The following CYP2E1 variants were observed in gnomAD, a reference collection of about 807,000 sequenced individuals.
CYP2E1 encodes the protein cytochrome P450 family 2 subfamily E member 1.
A neutral mutation model predicts 42.9 loss-of-function variants in CYP2E1; 31 were observed. That is an observed-to-expected ratio of 0.72 (90% CI 0.54 to 0.98). The LOEUF is 0.98. Among genes scored for constraint, CYP2E1 ranks in the 50% least tolerant of loss-of-function variants. The probability of loss-of-function intolerance (pLI) is 0.00; values close to 1 mark genes in which losing one functional copy is unlikely to be tolerated. For synonymous variants in CYP2E1, 244 were observed against 248.9 expected (o/e 0.98, Z 0.19); for missense variants, 565 against 633.2 (o/e 0.89, Z 1.16).
chr10:133,532,095 T>A, intron 3 of CYP2E1, 29 bp from the exon 4 acceptor site: 1 of 1,605,010 alleles, frequency 6.2e-7, no homozygotes, highest in South Asian at 1.1e-5. Context: ...ACCCCCATCT[T>A]CTGGTTGCCC....
At chr10:133,527,814 GGAGGCCGGC>G (rs1283557902) in intron 1 of CYP2E1, among the ~76,000 whole-genome samples, 1 of 152,198 alleles carries the variant, frequency 6.6e-6, no homozygotes, top group Non-Finnish European at 1.5e-5. Flanking sequence ...CTGATGATGG[GGAGGCCGGC>G]GAGGCCGGGC....
intron 5 of CYP2E1, 114 bp from the exon 6 acceptor site, chr10:133,533,642 G>A: frequency 5.8e-6 from 7 of 1,208,620 alleles, no homozygotes; most frequent in Non-Finnish European, 8.2e-6. Flanking sequence ...AGTTCCACTG[G>A]GAGAGCCTCT....
chr10:133,537,680 A>G, intron 7 of CYP2E1, 71 bp from the exon 8 acceptor site: 1 of 1,314,220 alleles, frequency 7.6e-7, no homozygotes. Flanking sequence ...TACATTCTTC[A>G]CTGGGGGTTT....
chr10:133,533,761 G>T lies in CYP2E1; in HGVS notation c.831G>T (p.Lys277Asn), dbSNP rs1326260648. 1.2e-6 allele frequency: 2 copies of T among 1,613,942 alleles called. No individual in the cohort carries two copies. The highest frequency in any genetic ancestry group is 1.3e-5 in the African/African-American group (1 of 74,928). The change falls in exon 6 of 9, where the codon AAG (lysine) becomes AAT (asparagine). Residue 277 changes from lysine (K) to asparagine (N), a missense_variant. Transcript: ENST00000252945. ...DCLLVEMEKE[K>N]HSAERLYTMD... ...GTCTGTCTCCGGTATCACAGGAAAA[G>T]CACAGTGCAGAGCGCTTGTACACAA...
In CYP2E1 at chr10:133,527,554, T is replaced by C. The variant is rs1564846644; in HGVS notation, c.159T>C (p.Ile53=). 2 of 1,611,830 alleles carry C rather than the reference T, an allele frequency of 1.2e-6. No homozygotes were observed. Among genetic ancestry groups the C allele is most frequent in the Non-Finnish European group, 1.7e-6 (2 of 1,178,828 alleles). ...TCTTCCAGTTGGAATTGAAGAATAT[T>C]CCCAAGTCCTTCACCCGGGTAAGAG... The part of the protein sequence containing the change: ...GNLFQLELKN[I]PKSFTRLAQR... Residue 53 remains isoleucine, a synonymous_variant, in exon 1 of 9, where the codon ATT becomes ATC. Transcript: ENST00000252945.
intron 8 of CYP2E1, 135 bp downstream of exon 8, chr10:133,538,027 C>A: frequency 1.3e-6 from 1 of 768,806 alleles, no homozygotes; most frequent in African/African-American, 1.7e-5. Flanking sequence ...TTTCTATTGA[C>A]AACATGACCC....
Position 133,527,421 on chromosome 10 carries a change from CCCTGCTGGTGTGGGCGGCCTTCCT to C in CYP2E1, c.38_61del (p.Trp13_Val20del). ...ATGTCTGCCCTCGGAGTCACCGTGG[CCCTGCTGGTGTGGGCGGCCTTCCT>C]CCTGCTGGTGTCCATGTGGAGGCAG... is the stretch of plus-strand genomic sequence containing the variant. On this transcript the variant is annotated inframe_deletion, in exon 1 of 9. Coordinates refer to ENST00000252945, the MANE Select transcript of CYP2E1 (RefSeq NM_000773.4). 2 of 1,612,228 alleles carry C rather than the reference CCCTGCTGGTGTGGGCGGCCTTCCT, an allele frequency of 1.2e-6. No individual in the cohort carries two copies. Among genetic ancestry groups the C allele is most frequent in the Middle Eastern group, 1.7e-4 (1 of 5,756 alleles).
intron 6 of CYP2E1, 102 bp downstream of exon 6, chr10:133,533,999 T>C (rs1203561693): frequency 5.8e-5 from 75 of 1,292,692 alleles, no homozygotes; most frequent in Non-Finnish European, 8.0e-5. Context: ...AGCTGCTTGT[T>C]AACCCTCATG....
intron 6 of CYP2E1, among the ~76,000 whole-genome samples, chr10:133,535,656 A>G (rs1368403041): frequency 2.0e-5 from 3 of 152,230 alleles, no homozygotes; most frequent in Non-Finnish European, 4.4e-5. Context: ...CAAAAGGAAA[A>G]TAAATATGAT....
Position 133,528,490 on chromosome 10 carries a change from C to T in CYP2E1, c.187C>T (p.Arg63Cys), listed in dbSNP as rs374426412. The part of the protein sequence containing the change: ...IPKSFTRLAQ[R>C]FGPVFTLYVG... ...CCACGGGTCTCCGCAGTTGGCCCAGCGCTTCGGGCCGGTGTTCACGCTGTA... is the reference window on the plus strand; with the variant it reads ...CCACGGGTCTCCGCAGTTGGCCCAGTGCTTCGGGCCGGTGTTCACGCTGTA... Residue 63 changes from arginine (R) to cysteine (C), a missense_variant, in exon 2 of 9, where the codon CGC becomes TGC. By Grantham distance (180) the Arg-to-Cys change is radical. Transcript: ENST00000252945. The T allele has an allele frequency of 2.4e-5, 39 of 1,613,000 alleles. No homozygotes were observed. The highest frequency in any genetic ancestry group is 3.0e-5 in the Non-Finnish European group (35 of 1,179,874).
Position 133,538,448 on chromosome 10 carries a change from T to C in CYP2E1, c.1298-332T>C, listed in dbSNP as rs117799445. 2.3e-3 allele frequency among the ~76,000 whole-genome samples: 349 copies of C among 152,320 alleles called. 3 individuals carry two copies. The highest frequency in any genetic ancestry group is 3.8e-3 in the Non-Finnish European group (256 of 68,032). On this transcript the variant is annotated intron_variant, in intron 8 of 8. Transcript: ENST00000252945. ...GGAGCCCCAGCTTCTAACAGGGCAC[T>C]ATTTCCCTCCTGTAGGCATCACTGA...
intron 3 of CYP2E1, 166 bp downstream of exon 3, chr10:133,531,900 A>G (rs1009235370): frequency 1.5e-5 from 12 of 811,016 alleles, no homozygotes; most frequent in Admixed American, 5.8e-5. Context: ...TTCCAGCTAC[A>G]CAGTTCAGGG....
rs772311577 is a variant in CYP2E1 at position 133,538,988 on chromosome 10, C to T, written c.*24C>T. 1.9e-6 allele frequency: 3 copies of T among 1,539,014 alleles called. No homozygotes were observed. Among genetic ancestry groups the T allele is most frequent in the Admixed American group, 2.1e-5 (1 of 48,504 alleles). On this transcript the variant is annotated 3_prime_UTR_variant, in exon 9 of 9. Coordinates refer to ENST00000252945, the MANE Select transcript of CYP2E1 (RefSeq NM_000773.4). ...GAGTGTGTGGAGGACACCCTGAACC[C>T]CCCGCTTTCAAACAAGTTTTCAAAT...
intron 6 of CYP2E1, among the ~76,000 whole-genome samples, chr10:133,535,282 C>T (rs2011661): frequency 0.05 from 7,634 of 152,098 alleles, 300 homozygotes; most frequent in South Asian, 0.17. Context: ...TGCAGTGATC[C>T]GAGATTGCAC....
chr10:133,539,011 A>T lies in CYP2E1; in HGVS notation c.*47A>T. Reference sequence around the variant, plus strand: ...CCCCCCGCTTTCAAACAAGTTTTCAAATTGTTTGAGGTCAGGATTTCTCAA... The same window carrying T: ...CCCCCCGCTTTCAAACAAGTTTTCATATTGTTTGAGGTCAGGATTTCTCAA... On this transcript the variant is annotated 3_prime_UTR_variant, in exon 9 of 9. Coordinates refer to ENST00000252945, the MANE Select transcript of CYP2E1 (RefSeq NM_000773.4). 6.7e-7 allele frequency: 1 copy of T among 1,486,502 alleles called. No homozygotes were observed. Among genetic ancestry groups the T allele is most frequent in the Non-Finnish European group, 9.1e-7 (1 of 1,101,902 alleles). The allele number at this position is 1,486,502 out of a possible 1,614,324, so 92.1% of individuals were successfully genotyped here.
At position 133,532,233 on chromosome 10, in the gene CYP2E1, G is replaced by A. The variant is rs751624559; in HGVS notation, c.597G>A (p.Leu199=). Residue 199 remains leucine (L), a synonymous_variant, in exon 4 of 9, where the codon CTG becomes CTA. Coordinates refer to ENST00000252945, the MANE Select transcript of CYP2E1 (RefSeq NM_000773.4). ...ACAATGATGAGAAGTTTCTAAGGCT[G>A]ATGTATTTGTTTAATGAGAACTTCC... ...FDYNDEKFLR[L]MYLFNENFHL... 4.3e-6 allele frequency: 7 copies of A among 1,613,834 alleles called. No homozygotes were observed. The highest frequency in any genetic ancestry group is 2.2e-5 in the East Asian group (1 of 44,892).
intron 5 of CYP2E1, 29 bp from the exon 6 acceptor site, chr10:133,533,727 T>G: frequency 6.2e-7 from 1 of 1,610,868 alleles, no homozygotes. Flanking sequence ...AGCAGCCCCT[T>G]CTCCTCCGGT....
intron 2 of CYP2E1, 40 bp from the exon 3 acceptor site, chr10:133,531,545 G>A (rs940371953): frequency 6.2e-7 from 1 of 1,611,592 alleles, no homozygotes. Context: ...TCCCCAAAAT[G>A]GGTATTTAGA....
rs564870715 is a variant in CYP2E1, at chr10:133,529,130, T to C, written c.337+490T>C. Among the ~76,000 whole-genome samples, 380 of 152,282 alleles carry C rather than the reference T, an allele frequency of 2.5e-3. 5 individuals are homozygous for C. The highest frequency in any genetic ancestry group is 2.3e-3 in the Non-Finnish European group (158 of 68,006). On this transcript the variant is annotated intron_variant, in intron 2 of 8. Transcript: ENST00000252945. The stretch of plus-strand genomic sequence containing the variant: ...CTCTGATGTCCCGCTGGGGTGGATG[T>C]CCTGAGACCGGGAAGGGGGAAGAGA...
Sources: allele counts gnomAD v4.1 joint callset (sites outside exome capture counted in the v4.1 genomes callset), GRCh38; gene constraint gnomAD v4.1.1; transcripts MANE v1.5; gene names NCBI Gene and HGNC (gene_info 2026-07-23, HGNC 2026-07-21).